Variants in KIF26B observed in about 807,000 individuals in gnomAD.
The protein encoded by KIF26B is kinesin-like protein KIF26B.
A neutral mutation model predicts 151.2 loss-of-function variants in KIF26B; 63 were observed. The ratio of observed to expected loss-of-function variants is 0.42; its 90% confidence interval spans 0.34 to 0.51. The LOEUF is 0.51. Ranked by LOEUF, KIF26B falls within the 20% of genes least tolerant of loss-of-function variation. KIF26B has a pLI of 0.07. For missense variants in KIF26B, 2,813 were observed against 2,913.6 expected (o/e 0.97, Z 0.79); for synonymous variants, 1,357 against 1,262.1 (o/e 1.08, Z -1.59).
chr1:245,216,112 C>T (rs187121726), intron 2 of KIF26B: 1 of 151,592 alleles, frequency 6.6e-6, no homozygotes, highest in African/African-American at 2.4e-5. Context: ...GGAATCAGAC[C>T]CCAGCATCAT....
In KIF26B at chr1:245,564,318, A is replaced by C. The variant is rs997844492; in HGVS notation, c.1350+23368A>C. On this transcript the variant is annotated intron_variant, in intron 5 of 14. Coordinates refer to ENST00000407071, the MANE Select transcript of KIF26B (RefSeq NM_018012.4). The surrounding 1 kb of genome is among the most constrained non-coding windows in gnomAD (Gnocchi z 4.6). The stretch of plus-strand genomic sequence containing the variant: ...GCAGAATGCTCTTCAGTTTGTTCCT[A>C]TCTCTGCCGGGATCTATATGTTCTG... Among the ~76,000 whole-genome samples, 2 of 151,998 alleles carry C rather than the reference A, an allele frequency of 1.3e-5. No homozygotes were observed. Among genetic ancestry groups the C allele is most frequent in the Non-Finnish European group, 2.9e-5 (2 of 68,004 alleles).
intron 3 of KIF26B, among the ~76,000 whole-genome samples, chr1:245,409,218 C>G (rs1674215678): frequency 6.6e-6 from 1 of 152,208 alleles, no homozygotes. Flanking sequence ...CTAGGAGACT[C>G]TTTTTAAAAA....
intron 3 of KIF26B, chr1:245,371,513 G>A (rs1459921564): frequency 6.6e-6 from 1 of 152,124 alleles, no homozygotes; most frequent in Non-Finnish European, 1.5e-5. Context: ...CCACACCCGC[G>A]GGACCCGAGC....
At position 245,686,675 on chromosome 1, in the gene KIF26B, TCATCAGCAG is replaced by T; in HGVS notation, c.3700_3708del (p.Ser1234_Ser1236del). On this transcript the variant is annotated inframe_deletion, in exon 12 of 15. Coordinates refer to ENST00000407071, the MANE Select transcript of KIF26B (RefSeq NM_018012.4). The surrounding 1 kb of genome is among the most constrained non-coding windows in gnomAD (Gnocchi z 5.6). ...GCCTCGGGCTCGCGGCCCGTCAGCA[TCATCAGCAG>T]CATCAGCGAGGACCTGGAGTGCTAC... is the stretch of plus-strand genomic sequence containing the variant. The T allele has an allele frequency of 6.2e-7, 1 of 1,612,408 alleles. No individual in the cohort carries two copies. The highest frequency in any genetic ancestry group is 8.5e-7 in the Non-Finnish European group (1 of 1,179,402).
rs546857013 is a variant in KIF26B at position 245,686,360 on chromosome 1, C to T, written c.3377C>T (p.Thr1126Met). 60 of 1,613,328 alleles carry T rather than the reference C, an allele frequency of 3.7e-5. No individual in the cohort carries two copies. Among genetic ancestry groups the T allele is most frequent in the South Asian group, 7.7e-5 (7 of 91,082 alleles). The change falls in exon 12 of 15, where the codon ACG (threonine) becomes ATG (methionine). Residue 1126 changes from threonine (T) to methionine (M), a missense_variant. Coordinates refer to ENST00000407071, the MANE Select transcript of KIF26B (RefSeq NM_018012.4). This position sits in a 1 kb window ranked among gnomAD's most constrained non-coding sequence, Gnocchi z 5.6. ...RESLLQPEVR[T>M]PPVGMSPQVL... ...TCCTTGCTGCAGCCCGAGGTGCGTA[C>T]GCCCCCGGTTGGAATGAGCCCCCAG...
At chr1:245,511,968 T>A (rs1660847311) in intron 4 of KIF26B, among the ~76,000 whole-genome samples, 1 of 151,838 alleles carries the variant, frequency 6.6e-6, no homozygotes, top group South Asian at 2.1e-4. Context: ...GAGGTTAATT[T>A]TGTGTAGGAA....
intron 2 of KIF26B, among the ~76,000 whole-genome samples, chr1:245,295,187 T>C (rs1671316705): frequency 6.6e-6 from 1 of 152,220 alleles, no homozygotes; most frequent in South Asian, 2.1e-4. Flanking sequence ...TTTCAAACAT[T>C]CGATATAACT....
intron 5 of KIF26B, among the ~76,000 whole-genome samples, chr1:245,583,685 G>A (rs1047659563): frequency 5.3e-5 from 8 of 152,162 alleles, no homozygotes; most frequent in African/African-American, 1.7e-4. Flanking sequence ...AAGATCCGTG[G>A]TACACGAATG....
intron 4 of KIF26B, among the ~76,000 whole-genome samples, chr1:245,539,941 C>T (rs1392005683): frequency 1.3e-5 from 2 of 152,166 alleles, no homozygotes; most frequent in African/African-American, 2.4e-5. Flanking sequence ...GTGTGAGCCA[C>T]CGTGCCTGGC....
intron 2 of KIF26B, among the ~76,000 whole-genome samples, chr1:245,276,074 G>A (rs1262782756): frequency 2.0e-5 from 3 of 152,110 alleles, no homozygotes; most frequent in Admixed American, 6.5e-5. Context: ...AAGCACGGTG[G>A]CTCATGCCTG....
chr1:245,364,979 G>C (rs1213976655), intron 2 of KIF26B, among the ~76,000 whole-genome samples: 1 of 152,202 alleles, frequency 6.6e-6, no homozygotes, highest in Non-Finnish European at 1.5e-5. Context: ...CTGTGTCCGT[G>C]GGAAAATAGG....
In KIF26B at chr1:245,419,737, C is replaced by A. The variant is rs1361745394; in HGVS notation, c.1158C>A (p.Phe386Leu). ...CAGGCACATCGGTGGCCGCCTCCTT[C>A]TTTGCACGGTAAGAGAGCTGTTCAG... ...TSTGTSVAASFFARAAQKLNL... is the reference protein window; with the variant it reads ...TSTGTSVAASLFARAAQKLNL... Residue 386 changes from phenylalanine to leucine, a missense_variant, in exon 4 of 15, where the codon TTC (phenylalanine) becomes TTA (leucine). By Grantham distance (22) the Phe-to-Leu change is conservative. This residue lies in a region of KIF26B where 676 missense variants were observed against 688.1 expected (regional missense o/e 0.98). Coordinates refer to ENST00000407071, the MANE Select transcript of KIF26B (RefSeq NM_018012.4). The A allele has an allele frequency of 6.2e-7, 1 of 1,611,288 alleles. No homozygotes were observed. Among genetic ancestry groups the A allele is most frequent in the African/African-American group, 1.3e-5 (1 of 74,860 alleles).
intron 4 of KIF26B, among the ~76,000 whole-genome samples, chr1:245,511,698 A>G (rs1047460464): frequency 6.6e-6 from 1 of 152,328 alleles, no homozygotes; most frequent in East Asian, 1.9e-4. Flanking sequence ...ATTCTAGAGT[A>G]CAATGTCTGG....
chr1:245,211,496 CA>C (rs1669528905), intron 2 of KIF26B, among the ~76,000 whole-genome samples: 2 of 152,086 alleles, frequency 1.3e-5, no homozygotes, highest in Non-Finnish European at 2.9e-5. Flanking sequence ...CTCCTAGACT[CA>C]AGCAATCCTC....
Position 245,640,155 on chromosome 1 carries a change from A to C in KIF26B, c.2099-5966A>C, listed in dbSNP as rs1473033309. On this transcript the variant is annotated intron_variant, in intron 9 of 14. Transcript: ENST00000407071. ...TCTCTCTCTCTCTCTATATATATAT[A>C]TATATACCCTGCTATTTGGTTATAT... 3.6e-3 allele frequency among the ~76,000 whole-genome samples: 87 copies of C among 24,192 alleles called. 5 individuals carry two copies. The highest frequency in any genetic ancestry group is 0.014 in the Middle Eastern group (1 of 70). The allele number at this position is 24,192 out of a possible 152,430, so 15.9% of individuals were successfully genotyped here. A position where few individuals can be genotyped will look rare whatever the true frequency, so the allele number is the denominator to read the frequency against.
chr1:245,502,546 AAAAAG>A (rs1282084864), intron 4 of KIF26B, among the ~76,000 whole-genome samples: 8 of 151,564 alleles, frequency 5.3e-5, no homozygotes, highest in African/African-American at 7.2e-5. Context: ...AAAAAAAAAA[AAAAAG>A]AAGAAGAAGA....
intron 9 of KIF26B, among the ~76,000 whole-genome samples, chr1:245,645,116 T>C (rs2103184408): frequency 6.6e-6 from 1 of 152,280 alleles, no homozygotes; most frequent in East Asian, 1.9e-4. Context: ...AAGCTGTTCA[T>C]GAGGGATCCA....
chr1:245,389,629 C>T (rs1238181662), intron 3 of KIF26B, among the ~76,000 whole-genome samples: 1 of 152,168 alleles, frequency 6.6e-6, no homozygotes, highest in Non-Finnish European at 1.5e-5. Context: ...AAGATATTGT[C>T]CTCCCTTGAA....
At position 245,532,342 on chromosome 1, in the gene KIF26B, T is replaced by A. The variant is rs536000672; in HGVS notation, c.1167-8425T>A. ...CTCACTGCAAGCTCTGCCTCCCGGG[T>A]TCACGCCATTCTCCTGCCTCAGCCT... On this transcript the variant is annotated intron_variant, in intron 4 of 14. Transcript: ENST00000407071. 3.0e-4 allele frequency among the ~76,000 whole-genome samples: 45 copies of A among 148,454 alleles called. 1 individual carries two copies. The East Asian group carries it at 4.1e-3, about 14-fold the overall frequency.
Sources: gnomAD v4.1 joint callset for allele counts (sites outside exome capture counted in the v4.1 genomes callset) on GRCh38, gnomAD v4.1.1 for gene constraint, gnomAD v4.1.1 regional missense constraint, Gnocchi (gnomAD v3.1) non-coding constraint, MANE v1.5 for transcripts, NCBI Gene and HGNC (gene_info 2026-07-23, HGNC 2026-07-21) for gene names.